CEP63: variants seen among roughly 807,000 people sequenced by gnomAD.
CEP63 encodes the protein centrosomal protein 63.
Under a neutral mutation model 89.1 loss-of-function variants are expected in CEP63, and 84 were observed. The observed-to-expected ratio is 0.94, with a 90% CI of 0.79 to 1.13. The LOEUF is 1.13. CEP63 is among the 50% of genes most tolerant of loss of function. The probability of loss-of-function intolerance (pLI) is 0.00; values close to 1 mark genes in which losing one functional copy is unlikely to be tolerated. For missense variants in CEP63, 838 were observed against 813.3 expected (o/e 1.03, Z -0.37); for synonymous variants, 267 against 272.5 (o/e 0.98, Z 0.20).
At chr3:134,644,374 A>G in the CEP63 span, among the ~76,000 whole-genome samples, 1 of 152,214 alleles carries the variant, frequency 6.6e-6, no homozygotes, top group South Asian at 2.1e-4. Flanking sequence ...GGGAGCTCAC[A>G]GGCTTACTTG....
chr3:134,735,888 A>G, the CEP63 span, among the ~76,000 whole-genome samples: 1 of 152,138 alleles, frequency 6.6e-6, no homozygotes. Flanking sequence ...AGGGTGGGGA[A>G]AAGGGACTAA....
intron 3 of CEP63, among the ~76,000 whole-genome samples, chr3:134,527,249 C>G (rs1047513819): frequency 2.0e-5 from 3 of 152,180 alleles, no homozygotes; most frequent in African/African-American, 7.2e-5. Context: ...GGCGACTGTG[C>G]ACAGTGGCAC....
intron 3 of CEP63, among the ~76,000 whole-genome samples, chr3:134,527,189 A>T (rs532545574): frequency 1.3e-5 from 2 of 152,254 alleles, no homozygotes; most frequent in African/African-American, 4.8e-5. Flanking sequence ...GAGAGCATTC[A>T]CCACAGTGGA....
chr3:134,528,025 C>T (rs780662038), intron 3 of CEP63, among the ~76,000 whole-genome samples: 1 of 152,196 alleles, frequency 6.6e-6, no homozygotes, highest in African/African-American at 2.4e-5. Context: ...TATCACTTCT[C>T]TAAGTGGCTC....
chr3:134,631,597 G>C, the CEP63 span, among the ~76,000 whole-genome samples: 6 of 152,244 alleles, frequency 3.9e-5, no homozygotes, highest in African/African-American at 1.4e-4. Flanking sequence ...GAGTAGGAGA[G>C]TGAATCTACC....
chr3:134,649,945 T>A, the CEP63 span, among the ~76,000 whole-genome samples: 1 of 152,194 alleles, frequency 6.6e-6, no homozygotes, highest in African/African-American at 2.4e-5. Flanking sequence ...CTGTCAGGCC[T>A]AACTCCTAAA....
intron 6 of CEP63, among the ~76,000 whole-genome samples, 192 bp from the exon 7 acceptor site, chr3:134,545,394 T>C (rs1953054865): frequency 6.6e-6 from 1 of 152,046 alleles, no homozygotes; most frequent in Non-Finnish European, 1.5e-5. Context: ...CCTCCCATAG[T>C]GTTAGGATTA....
At chr3:134,607,488 A>C in the CEP63 span, 2 of 985,650 alleles carry the variant, frequency 2.0e-6, no homozygotes, top group South Asian at 9.4e-5. Flanking sequence ...TGGAGGCCCC[A>C]GTGGCAGAGA....
At chr3:134,487,378 G>A (rs1576642719) in intron 1 of CEP63, among the ~76,000 whole-genome samples, 1 of 152,320 alleles carries the variant, frequency 6.6e-6, no homozygotes, top group South Asian at 2.1e-4. Context: ...CAGGCACACT[G>A]CCTTTTAAAA....
At chr3:134,687,330 G>C in the CEP63 span, among the ~76,000 whole-genome samples, 3 of 152,148 alleles carry the variant, frequency 2.0e-5, no homozygotes, top group Non-Finnish European at 4.4e-5. Context: ...TGATTCTCTG[G>C]AAAACATATG....
At chr3:134,659,756 C>T in the CEP63 span, among the ~76,000 whole-genome samples, 4 of 152,174 alleles carry the variant, frequency 2.6e-5, no homozygotes, top group East Asian at 1.9e-4. Flanking sequence ...AACAAAACCA[C>T]GAATGAGCTA....
chr3:134,762,466 A>G, the CEP63 span, among the ~76,000 whole-genome samples: 14 of 152,292 alleles, frequency 9.2e-5, no homozygotes, highest in African/African-American at 2.6e-4. Context: ...AACATCTGGT[A>G]CTTCAGAACA....
the CEP63 span, among the ~76,000 whole-genome samples, chr3:134,649,953 A>G: frequency 1.3e-5 from 2 of 152,166 alleles, no homozygotes; most frequent in African/African-American, 4.8e-5. Context: ...CCTAACTCCT[A>G]AAGAACTGGC....
chr3:134,661,991 G>A, the CEP63 span, among the ~76,000 whole-genome samples: 1 of 152,176 alleles, frequency 6.6e-6, no homozygotes. Flanking sequence ...TAGCAAGAAG[G>A]TGCCGGCTGG....
At chr3:134,711,015 C>T in the CEP63 span, among the ~76,000 whole-genome samples, 4 of 152,102 alleles carry the variant, frequency 2.6e-5, no homozygotes, top group South Asian at 4.2e-4. Context: ...CCACTGTGCC[C>T]GGCCTATCCA....
At chr3:134,505,872 A>T (rs900019463) in intron 2 of CEP63, among the ~76,000 whole-genome samples, 2 of 152,190 alleles carry the variant, frequency 1.3e-5, no homozygotes, top group Admixed American at 6.5e-5. Context: ...ACTGCAGTTT[A>T]AAAAACTTAT....
the CEP63 span, among the ~76,000 whole-genome samples, chr3:134,612,684 C>A: frequency 6.6e-6 from 1 of 151,674 alleles, no homozygotes; most frequent in African/African-American, 2.4e-5. Context: ...CTAAGCAGTG[C>A]CCCTGACACG....
chr3:134,611,601 C>T, the CEP63 span, among the ~76,000 whole-genome samples: 2 of 152,240 alleles, frequency 1.3e-5, no homozygotes, highest in South Asian at 2.1e-4. Flanking sequence ...CCTGTGAAAC[C>T]GAGGATGTGC....
At chr3:134,722,639 T>A in the CEP63 span, among the ~76,000 whole-genome samples, 1 of 152,192 alleles carries the variant, frequency 6.6e-6, no homozygotes, top group African/African-American at 2.4e-5. Context: ...TTTTATGTAA[T>A]CTGAGAAAAG....
Sources: allele counts gnomAD v4.1 joint callset (sites outside exome capture counted in the v4.1 genomes callset), GRCh38; gene constraint gnomAD v4.1.1; transcripts MANE v1.5; gene names NCBI Gene and HGNC (gene_info 2026-07-23, HGNC 2026-07-21).